Variants in TRHDE observed in about 807,000 individuals in gnomAD.
TRHDE encodes thyrotropin releasing hormone degrading enzyme, also known as thyrotropin-releasing hormone-degrading ectoenzyme.
A neutral mutation model predicts 125.7 loss-of-function variants in TRHDE; 72 were observed. The ratio of observed to expected loss-of-function variants is 0.57; its 90% CI spans 0.47 to 0.70. TRHDE has a LOEUF of 0.70. Ranked by LOEUF, TRHDE falls within the 30% of genes least tolerant of loss-of-function variation. The probability of loss-of-function intolerance (pLI) is 0.00; values close to 1 mark genes in which losing one functional copy is unlikely to be tolerated. For synonymous variants in TRHDE, 509 were observed against 509.1 expected, an observed-to-expected ratio of 1.00 and a Z score of 0.00; for missense variants, 1,110 against 1,327.1, an observed-to-expected ratio of 0.84 and a Z score of 2.54.
intron 6 of TRHDE, among the ~76,000 whole-genome samples, chr12:72,517,518 G>A (rs1391919991): frequency 1.8e-4 from 28 of 152,000 alleles, no homozygotes; most frequent in African/African-American, 6.5e-4. Context: ...TATTGCGTCT[G>A]TTTGATTCTT....
In TRHDE at chr12:72,359,403, AC is replaced by A. The variant is rs1274555406; in HGVS notation, c.1189-18591del. Among the ~76,000 whole-genome samples, 17 of 151,770 alleles carry A rather than the reference AC, an allele frequency of 1.1e-4. 1 individual carries two copies. The Middle Eastern group carries it at 0.01, about 91-fold the overall frequency. On this transcript the variant is annotated intron_variant, in intron 2 of 18. Coordinates refer to ENST00000261180, the MANE Select transcript of TRHDE (RefSeq NM_013381.3). The stretch of plus-strand genomic sequence containing the variant: ...ATTTGGCATTATTCTAGAAATCCTT[AC>A]TGAGACAAGCCAATACAAAACAACA...
At chr12:72,382,507 A>G (rs1202809952) in intron 3 of TRHDE, among the ~76,000 whole-genome samples, 1 of 152,126 alleles carries the variant, frequency 6.6e-6, no homozygotes, top group Non-Finnish European at 1.5e-5. Context: ...AAGTGATGGC[A>G]TTCTTACCTC....
chr12:72,307,815 C>T (rs1056048055), intron 2 of TRHDE, among the ~76,000 whole-genome samples: 1 of 152,166 alleles, frequency 6.6e-6, no homozygotes, highest in African/African-American at 2.4e-5. Flanking sequence ...GGAAATCTTT[C>T]CATTGTCTAA....
In TRHDE at chr12:72,669,395, C is replaced by T. The variant is rs991986314; in HGVS notation, c.*6200C>T. On this transcript the variant is annotated 3_prime_UTR_variant, in exon 19 of 19. Transcript: ENST00000261180. Reference sequence around the variant, plus strand: ...ATACAGTCTAAGATAAGTGCTTTGACTTGCCTCTGCAGAGGTCAACTTATT... The same window carrying T: ...ATACAGTCTAAGATAAGTGCTTTGATTTGCCTCTGCAGAGGTCAACTTATT... 1.3e-5 allele frequency: 2 copies of T among 151,814 alleles called. No individual in the cohort carries two copies. The highest frequency in any genetic ancestry group is 4.8e-5 in the African/African-American group (2 of 41,402). The allele number at this position is 151,814 out of a possible 1,614,324, so 9.4% of individuals were successfully genotyped here. A position where few individuals can be genotyped will look rare whatever the true frequency, so the allele number is the denominator to read the frequency against.
At chr12:72,224,997 T>G (rs1362491095) in intron 2 of TRHDE, among the ~76,000 whole-genome samples, 1 of 152,174 alleles carries the variant, frequency 6.6e-6, no homozygotes, top group African/African-American at 2.4e-5. Context: ...TTAGGTTTAC[T>G]TTGATACTAA....
At chr12:72,612,768 T>G (rs1365413597) in intron 12 of TRHDE, among the ~76,000 whole-genome samples, 3 of 152,208 alleles carry the variant, frequency 2.0e-5, no homozygotes, top group Non-Finnish European at 4.4e-5. Flanking sequence ...AGTAGTTGAC[T>G]TGGGCCATAA....
chr12:72,525,233 A>G (rs1039209976), intron 6 of TRHDE, among the ~76,000 whole-genome samples: 1 of 152,124 alleles, frequency 6.6e-6, no homozygotes, highest in Non-Finnish European at 1.5e-5. Flanking sequence ...CGTGGTTAGG[A>G]AAAATGGTTT....
chr12:72,378,788 A>T, intron 3 of TRHDE, among the ~76,000 whole-genome samples: 1 of 152,176 alleles, frequency 6.6e-6, no homozygotes, highest in Non-Finnish European at 1.5e-5. Context: ...TCTTCCTTTT[A>T]CAAAGAGAAT....
chr12:72,510,961 C>T (rs370644096), intron 6 of TRHDE, among the ~76,000 whole-genome samples: 11 of 152,182 alleles, frequency 7.2e-5, no homozygotes, highest in South Asian at 2.1e-4. Flanking sequence ...TGTGAATGGT[C>T]GTTATGGGAA....
intron 7 of TRHDE, among the ~76,000 whole-genome samples, chr12:72,543,506 CT>C (rs1030197237): frequency 3.3e-5 from 5 of 151,324 alleles, no homozygotes; most frequent in African/African-American, 1.2e-4. Context: ...TTGGGAAAAT[CT>C]TTTTTTCTCA....
intron 6 of TRHDE, among the ~76,000 whole-genome samples, chr12:72,514,752 G>C (rs376637918): frequency 2.7e-5 from 4 of 149,060 alleles, no homozygotes; most frequent in East Asian, 2.0e-4. Context: ...TCGTCATCTA[G>C]CATTAGGTAT....
At chr12:72,571,210 C>T (rs1870718010) in intron 10 of TRHDE, among the ~76,000 whole-genome samples, 1 of 152,110 alleles carries the variant, frequency 6.6e-6, no homozygotes, top group Non-Finnish European at 1.5e-5. Context: ...GTCCCATCTC[C>T]TCTTTTTCAA....
chr12:72,148,742 C>T (rs113366709), intron 2 of TRHDE, among the ~76,000 whole-genome samples: 2 of 152,170 alleles, frequency 1.3e-5, no homozygotes, highest in Non-Finnish European at 2.9e-5. Context: ...CTTCCAAGCA[C>T]GTTTCAATCT....
chr12:72,207,590 C>A (rs983486258), intron 2 of TRHDE, among the ~76,000 whole-genome samples: 2 of 152,162 alleles, frequency 1.3e-5, no homozygotes, highest in Non-Finnish European at 2.9e-5. Flanking sequence ...AGATTATAAG[C>A]AATTCTGGTA....
chr12:72,141,171 T>C (rs1414147388), intron 2 of TRHDE, among the ~76,000 whole-genome samples: 1 of 152,078 alleles, frequency 6.6e-6, no homozygotes, highest in African/African-American at 2.4e-5. Context: ...ACCTATGAGG[T>C]GAGTCTTGAG....
chr12:72,218,947 C>T (rs961085384), intron 2 of TRHDE, among the ~76,000 whole-genome samples: 2 of 152,108 alleles, frequency 1.3e-5, no homozygotes, highest in Non-Finnish European at 2.9e-5. Context: ...CCATTTTAAC[C>T]CCTTATCCCT....
At chr12:72,488,744 T>C (rs760139927) in intron 5 of TRHDE, among the ~76,000 whole-genome samples, 23 of 151,900 alleles carry the variant, frequency 1.5e-4, no homozygotes, top group Non-Finnish European at 2.9e-4. Context: ...GAATAGACCA[T>C]ATGTAAGGCC....
chr12:72,540,779 G>A (rs1044005807), intron 6 of TRHDE, among the ~76,000 whole-genome samples: 1 of 151,584 alleles, frequency 6.6e-6, no homozygotes, highest in African/African-American at 2.4e-5. Flanking sequence ...ATATACAAAT[G>A]TGCAGAAGAT....
intron 2 of TRHDE, among the ~76,000 whole-genome samples, chr12:72,145,873 A>G (rs1308523937): frequency 1.3e-5 from 2 of 152,196 alleles, no homozygotes; most frequent in Non-Finnish European, 2.9e-5. Flanking sequence ...ATGATAAAAC[A>G]TGATTTTTAT....
Sources: gnomAD v4.1 joint callset for allele counts (sites outside exome capture counted in the v4.1 genomes callset) on GRCh38, gnomAD v4.1.1 for gene constraint, MANE v1.5 for transcripts, NCBI Gene and HGNC (gene_info 2026-07-23, HGNC 2026-07-21) for gene names.